Variants in DUOX1 observed in about 807,000 individuals in gnomAD.
The protein encoded by DUOX1 is NADPH thyroid oxidase 1.
A neutral mutation model predicts 181.8 loss-of-function variants in DUOX1; 134 were observed. The observed-to-expected ratio is 0.74, with a 90% confidence interval of 0.64 to 0.85. DUOX1 has a LOEUF of 0.85. DUOX1 is among the 40% of genes least tolerant of loss of function. DUOX1 has a pLI of 0.00. For synonymous variants in DUOX1, 798 were observed against 832.5 expected (o/e 0.96, Z 0.71); for missense variants, 1,814 against 2,064.4 (o/e 0.88, Z 2.35).
At chr15:45,137,651 T>A (rs1039473281) in intron 9 of DUOX1, among the ~76,000 whole-genome samples, 2 of 152,196 alleles carry the variant, frequency 1.3e-5, no homozygotes, top group Non-Finnish European at 2.9e-5. Context: ...ATATATATTT[T>A]ATATGTGTGT....
intron 11 of DUOX1, 22 bp downstream of exon 11, chr15:45,139,190 C>G: frequency 1.2e-6 from 2 of 1,614,020 alleles, no homozygotes; most frequent in Non-Finnish European, 1.7e-6. Context: ...GCTGTCCCTG[C>G]AGGTTGTGAA....
At chr15:45,162,175 T>C (rs748232674) in intron 30 of DUOX1, 44 bp from the exon 31 acceptor site, 3 of 1,578,442 alleles carry the variant, frequency 1.9e-6, no homozygotes, top group East Asian at 2.2e-5. Flanking sequence ...TTCCGATCTA[T>C]GGTGGTGGCC....
In DUOX1 at chr15:45,135,606, C is replaced by A. The variant is rs1474837092; in HGVS notation, c.628C>A (p.Gln210Lys). 7 of 1,563,062 alleles carry A rather than the reference C, an allele frequency of 4.5e-6. No homozygotes were observed. The highest frequency in any genetic ancestry group is 2.4e-5 in the East Asian group (1 of 42,312). ...CGACCCCGCTTTTCCCCGAGACTCGCAGAACCCCCTGCTCATGTGGGCGGC... is the reference window on the plus strand; with the variant it reads ...CGACCCCGCTTTTCCCCGAGACTCGAAGAACCCCCTGCTCATGTGGGCGGC... ...GPDPAFPRDS[Q>K]NPLLMWAAPD... Residue 210 changes from glutamine to lysine, a missense_variant, in exon 6 of 34, where the codon CAG becomes AAG. Physicochemically the swap from Gln to Lys is moderately conservative, Grantham distance 53 (BLOSUM62 1). Transcript: ENST00000389037.
At chr15:45,156,536 A>C (rs1159273102) in intron 28 of DUOX1, among the ~76,000 whole-genome samples, 2 of 152,088 alleles carry the variant, frequency 1.3e-5, no homozygotes, top group Non-Finnish European at 2.9e-5. Flanking sequence ...GGGTTCAAGC[A>C]ATTCTCCTGT....
At chr15:45,146,352 A>G (rs1474239008) in intron 18 of DUOX1, among the ~76,000 whole-genome samples, 1 of 152,200 alleles carries the variant, frequency 6.6e-6, no homozygotes, top group East Asian at 1.9e-4. Context: ...GAATATGTAC[A>G]AGAACAGAGG....
At position 45,139,485 on chromosome 15, in the gene DUOX1, G is replaced by A. The variant is rs1567010598; in HGVS notation, c.1275G>A (p.Gln425=). 6.2e-7 allele frequency: 1 copy of A among 1,613,186 alleles called. No homozygotes were observed. The highest frequency in any genetic ancestry group is 1.7e-4 in the Middle Eastern group (1 of 6,056). ...SRTDHLASCL[Q]RGRDLGLPSY... is the part of the protein sequence containing the mutation. Reference sequence around the variant, plus strand: ...CAGACCACCTGGCCAGCTGCCTGCAGCGGGGCCGGGATCTGGGCCTGCCCT... The same window carrying A: ...CAGACCACCTGGCCAGCTGCCTGCAACGGGGCCGGGATCTGGGCCTGCCCT... The change falls in exon 12 of 34, where the codon CAG becomes CAA. Residue 425 remains glutamine, a synonymous_variant. Transcript: ENST00000389037.
At chr15:45,155,609 G>T in intron 27 of DUOX1, 193 bp from the exon 28 acceptor site, 18 of 635,832 alleles carry the variant, frequency 2.8e-5, no homozygotes, top group Middle Eastern at 4.5e-4. Context: ...CAAGGGCTAT[G>T]AAAAGTGAAC....
In DUOX1 at chr15:45,163,659, A is replaced by C; in HGVS notation, c.4376A>C (p.Glu1459Ala). 6.2e-7 allele frequency: 1 copy of C among 1,614,122 alleles called. No homozygotes were observed. Among genetic ancestry groups the C allele is most frequent in the Non-Finnish European group, 8.5e-7 (1 of 1,180,018 alleles). The change falls in exon 32 of 34, where the codon GAG (glutamate) becomes GCG (alanine). Residue 1459 changes from glutamate to alanine, a missense_variant. This residue lies in a region of DUOX1 where 124 missense variants were observed against 125.7 expected (regional missense o/e 0.99). Coordinates refer to ENST00000389037, the MANE Select transcript of DUOX1 (RefSeq NM_175940.3). ...SVHIYITQLA[E>A]KFDLRTTMLY... is the part of the protein sequence containing the mutation. ...CACATCTACATCACCCAGCTGGCTG[A>C]GAAGTTCGACCTCAGGACCACTATG...
intron 2 of DUOX1, among the ~76,000 whole-genome samples, chr15:45,132,906 G>GA (rs1347976118): frequency 1.7e-4 from 3 of 17,216 alleles, no homozygotes; most frequent in Non-Finnish European, 4.0e-3. Flanking sequence ...CCAAAGTCTT[G>GA]AACCTTAGCT....
Position 45,142,040 on chromosome 15 carries a change from G to C in DUOX1, c.1750G>C (p.Val584Leu). The C allele has an allele frequency of 6.2e-7, 1 of 1,614,006 alleles. No homozygotes were observed. Among genetic ancestry groups the C allele is most frequent in the Non-Finnish European group, 8.5e-7 (1 of 1,180,010 alleles). The change falls in exon 15 of 34, where the codon GTT becomes CTT. Residue 584 changes from valine to leucine, a missense_variant. Transcript: ENST00000389037. ...EGLPACAPSV[V>L]RDYFEGSGFG... ...CCTGCCAGCGTGTGCTCCCTCTGTTGTTCGTGACTATTTTGAGGGCAGTGG... is the reference window on the plus strand; with the variant it reads ...CCTGCCAGCGTGTGCTCCCTCTGTTCTTCGTGACTATTTTGAGGGCAGTGG...
rs1896900644 is a variant in DUOX1 at position 45,153,938 on chromosome 15, C to T, written c.3525-13C>T. 3.7e-6 allele frequency: 6 copies of T among 1,611,102 alleles called. No homozygotes were observed. In the East Asian group the frequency reaches 8.9e-5, roughly 24 times the overall value. ...TCCTCTCAAGGTGTCTCTTTGCTGT[C>T]CCTTCCACACAGGTCTGAGCTCCCC... On this transcript the variant is annotated splice_polypyrimidine_tract_variant and intron_variant, in intron 26 of 33. Transcript: ENST00000389037.
At position 45,165,219 on chromosome 15, in the gene DUOX1, C is replaced by A. The variant is rs1329615403; in HGVS notation, c.*318C>A. 1 of 429,930 alleles carries A rather than the reference C, an allele frequency of 2.3e-6. No homozygotes were observed. The highest frequency in any genetic ancestry group is 2.0e-5 in the African/African-American group (1 of 50,448). The allele number at this position is 429,930 out of a possible 1,614,324, so 26.6% of individuals were successfully genotyped here. A position where few individuals can be genotyped will look rare whatever the true frequency, so the allele number is the denominator to read the frequency against. On this transcript the variant is annotated 3_prime_UTR_variant, in exon 34 of 34. Transcript: ENST00000389037. ...AATCTCAGAAGACAAGCTGACCTGA[C>A]AAGTACTATGTGTGTGCATGTCTGT...
chr15:45,164,754 C>A (rs1897185853), intron 33 of DUOX1, 25 bp from the exon 34 acceptor site: 1 of 1,614,074 alleles, frequency 6.2e-7, no homozygotes, highest in East Asian at 2.2e-5. Flanking sequence ...AAAGAGTTAG[C>A]CTCCACTTAT....
intron 25 of DUOX1, 111 bp downstream of exon 25, chr15:45,152,627 A>C: frequency 8.5e-6 from 9 of 1,062,090 alleles, no homozygotes; most frequent in Non-Finnish European, 1.3e-5. Context: ...GTCCTTCTCC[A>C]TCAGGATGGA....
chr15:45,157,079 G>A lies in DUOX1; in HGVS notation c.3702+1150G>A, dbSNP rs144479258. On this transcript the variant is annotated intron_variant, in intron 28 of 33. Coordinates refer to ENST00000389037, the MANE Select transcript of DUOX1 (RefSeq NM_175940.3). ...AGAAACTGCACCATGGCCTCGGTCA[G>A]GTTGGCTCCTGCCATCTGACCTGCC... Among the ~76,000 whole-genome samples the A allele has an allele frequency of 3.7e-4, 57 of 152,304 alleles. 1 individual carries two copies. The East Asian group carries it at 0.011, about 29-fold the overall frequency.
At chr15:45,158,545 C>G (rs1002791767) in intron 28 of DUOX1, among the ~76,000 whole-genome samples, 3 of 151,276 alleles carry the variant, frequency 2.0e-5, no homozygotes, top group Non-Finnish European at 4.4e-5. Flanking sequence ...CCCGTCTCTA[C>G]AAAAAAATTA....
chr15:45,131,834 G>A, intron 1 of DUOX1, 84 bp from the exon 2 acceptor site: 1 of 968,146 alleles, frequency 1.0e-6, no homozygotes, highest in Non-Finnish European at 1.6e-6. Context: ...CCCAGCCCCA[G>A]GCCTTGATTC....
chr15:45,148,025 T>C (rs749108392), intron 20 of DUOX1, 28 bp downstream of exon 20: 17 of 1,593,656 alleles, frequency 1.1e-5, no homozygotes, highest in Non-Finnish European at 1.4e-5. Context: ...GCCAGGAGAA[T>C]GGGCCAGGGC....
At chr15:45,137,857 C>T (rs1266851799) in intron 9 of DUOX1, 67 bp from the exon 10 acceptor site, 16 of 1,338,676 alleles carry the variant, frequency 1.2e-5, no homozygotes, top group East Asian at 2.5e-5. Context: ...CCTCAGAGAC[C>T]AGAACTGATG....
Sources: gnomAD v4.1 joint callset for allele counts (sites outside exome capture counted in the v4.1 genomes callset) on GRCh38, gnomAD v4.1.1 for gene constraint, gnomAD v4.1.1 regional missense constraint, MANE v1.5 for transcripts, NCBI Gene and HGNC (gene_info 2026-07-23, HGNC 2026-07-21) for gene names.